The following MYO9B variants were observed in gnomAD, a reference collection of about 807,000 sequenced individuals.
The protein encoded by MYO9B is myosin IXB.
MYO9B carries 71 observed loss-of-function variants against 229.5 expected under a neutral mutation model. The ratio of observed to expected loss-of-function variants is 0.31; its 90% CI spans 0.26 to 0.38. The LOEUF is 0.38. MYO9B is among the 10% of genes least tolerant of loss of function. MYO9B has a pLI of 1.00. For missense variants in MYO9B, 2,255 were observed against 2,920.5 expected, an observed-to-expected ratio of 0.77 and a Z score of 5.25; for synonymous variants, 1,185 against 1,235.8, an observed-to-expected ratio of 0.96 and a Z score of 0.86.
Position 17,200,648 on chromosome 19 carries a change from G to T in MYO9B, c.4382G>T (p.Gly1461Val). 6.2e-7 allele frequency: 1 copy of T among 1,613,058 alleles called. No homozygotes were observed. Among genetic ancestry groups the T allele is most frequent in the Non-Finnish European group, 8.5e-7 (1 of 1,179,444 alleles). The change falls in exon 26 of 40, where the codon GGA becomes GTA. Residue 1461 changes from glycine (G) to valine (V), a missense_variant. This residue lies in a region of MYO9B where 679 missense variants were observed against 770.2 expected (regional missense o/e 0.88). Coordinates refer to ENST00000682292, the MANE Select transcript of MYO9B (RefSeq NM_004145.4). ...TCCTGTCCCCCCTCAGCCCCCTCCG[G>T]ACAGCAGCATCGCCACGCTGCAGGT... ...TMKKGLEAPS[G>V]QQHRHAAGEK...
chr19:17,108,245 C>T (rs1162959919), intron 2 of MYO9B, among the ~76,000 whole-genome samples: 1 of 152,220 alleles, frequency 6.6e-6, no homozygotes, highest in African/African-American at 2.4e-5. Flanking sequence ...CTAAGCCGCT[C>T]GAGGGTGGTG....
At chr19:17,098,016 C>T (rs573978647) in intron 1 of MYO9B, among the ~76,000 whole-genome samples, 1 of 151,302 alleles carries the variant, frequency 6.6e-6, no homozygotes, top group African/African-American at 2.4e-5. Context: ...CTACTCACCT[C>T]GTGAACGAAC....
chr19:17,199,092 A>G (rs1161121831), intron 24 of MYO9B, among the ~76,000 whole-genome samples: 1 of 152,086 alleles, frequency 6.6e-6, no homozygotes, highest in Non-Finnish European at 1.5e-5. Flanking sequence ...AGTCCCAGCT[A>G]CTCAGGAGGC....
chr19:17,088,891 T>G (rs541015594), intron 1 of MYO9B, among the ~76,000 whole-genome samples: 1 of 152,184 alleles, frequency 6.6e-6, no homozygotes, highest in African/African-American at 2.4e-5. Context: ...GGGGTCTTTC[T>G]TTGTTGCCCA....
chr19:17,114,858 T>C (rs1441324068), intron 2 of MYO9B, among the ~76,000 whole-genome samples: 1 of 151,304 alleles, frequency 6.6e-6, no homozygotes, highest in African/African-American at 2.4e-5. Context: ...CGGCCAGAGA[T>C]TCCCCACTTT....
chr19:17,192,314 C>T (rs890916031), intron 20 of MYO9B, among the ~76,000 whole-genome samples: 5 of 148,980 alleles, frequency 3.4e-5, no homozygotes, highest in Non-Finnish European at 7.4e-5. Flanking sequence ...GGGGCCACAG[C>T]CAGGTGCAGT....
intron 21 of MYO9B, 60 bp from the exon 22 acceptor site, chr19:17,194,496 A>C (rs1304955597): frequency 2.0e-5 from 31 of 1,557,638 alleles, no homozygotes; most frequent in Non-Finnish European, 2.6e-5. Context: ...ATCGGAACTC[A>C]GTGGGAGGTG....
intron 11 of MYO9B, among the ~76,000 whole-genome samples, chr19:17,170,808 A>G (rs1038578696): frequency 6.1e-5 from 9 of 147,364 alleles, no homozygotes; most frequent in Non-Finnish European, 1.3e-4. Flanking sequence ...TGGGCAACAG[A>G]GCAAGACCCC....
Position 17,195,335 on chromosome 19 carries a change from C to A in MYO9B, c.3908C>A (p.Ala1303Asp). 1 of 1,612,524 alleles carries A rather than the reference C, an allele frequency of 6.2e-7. No homozygotes were observed. The highest frequency in any genetic ancestry group is 8.5e-7 in the Non-Finnish European group (1 of 1,179,724). The part of the protein sequence containing the change: ...GSTQIQRYLD[A>D]ERLASAVELW... ...ACGCAGATCCAGCGGTACCTGGACGCCGAGCGGCTGGCCAGCGCCGTGGAA... is the reference window on the plus strand; with the variant it reads ...ACGCAGATCCAGCGGTACCTGGACGACGAGCGGCTGGCCAGCGCCGTGGAA... Residue 1303 changes from alanine (A) to aspartate (D), a missense_variant, in exon 22 of 40, where the codon GCC becomes GAC. Ala to Asp is a moderately radical substitution (Grantham distance 126, BLOSUM62 -2). This residue lies in a region of MYO9B where 679 missense variants were observed against 770.2 expected (regional missense o/e 0.88). Transcript: ENST00000682292. This position sits in a 1 kb window ranked among gnomAD's most constrained non-coding sequence, Gnocchi z 4.5.
chr19:17,110,563 C>T (rs1458202093), intron 2 of MYO9B, among the ~76,000 whole-genome samples: 1 of 152,214 alleles, frequency 6.6e-6, no homozygotes, highest in Non-Finnish European at 1.5e-5. Flanking sequence ...GGCTGGGGTT[C>T]CCTTCATCTG....
rs542949890 is a variant in MYO9B, at chr19:17,139,049, C to T, written c.841-6348C>T. Among the ~76,000 whole-genome samples, 13 of 152,190 alleles carry T rather than the reference C, an allele frequency of 8.5e-5. No individual in the cohort carries two copies. In the East Asian group the frequency reaches 2.1e-3, roughly 25 times the overall value. On this transcript the variant is annotated intron_variant, in intron 2 of 39. Coordinates refer to ENST00000682292, the MANE Select transcript of MYO9B (RefSeq NM_004145.4). Reference sequence around the variant, plus strand: ...AAAATTAGTCGGGCATGGTGGCTCGCGCCTGTAGTCCCAGTTACTCTGGAG... The same window carrying T: ...AAAATTAGTCGGGCATGGTGGCTCGTGCCTGTAGTCCCAGTTACTCTGGAG...
intron 1 of MYO9B, among the ~76,000 whole-genome samples, chr19:17,091,701 C>T (rs996292386): frequency 4.6e-5 from 7 of 152,094 alleles, no homozygotes; most frequent in African/African-American, 1.2e-4. Flanking sequence ...AGCTTGTGGT[C>T]CCAGCTAGTT....
chr19:17,161,862 G>A (rs186519321), intron 8 of MYO9B, among the ~76,000 whole-genome samples: 17 of 151,606 alleles, frequency 1.1e-4, no homozygotes, highest in Admixed American at 7.9e-4. Context: ...GGTGTTGTGC[G>A]CCATAGCCCC....
At chr19:17,128,145 G>A (rs941779952) in intron 2 of MYO9B, among the ~76,000 whole-genome samples, 1 of 152,000 alleles carries the variant, frequency 6.6e-6, no homozygotes, top group Non-Finnish European at 1.5e-5. Context: ...GGGAGGCCGA[G>A]GCAGGAGAAT....
At chr19:17,168,974 G>C (rs1167682431) in intron 11 of MYO9B, among the ~76,000 whole-genome samples, 1 of 152,104 alleles carries the variant, frequency 6.6e-6, no homozygotes, top group Non-Finnish European at 1.5e-5. Flanking sequence ...CTGAAATCAC[G>C]TGACACATAC....
Position 17,193,263 on chromosome 19 carries a change from A to G in MYO9B, c.3128+201A>G, listed in dbSNP as rs2073006070. On this transcript the variant is annotated intron_variant, in intron 21 of 39. Transcript: ENST00000682292. The surrounding 1 kb of genome is among the most constrained non-coding windows in gnomAD (Gnocchi z 4.3). The stretch of plus-strand genomic sequence containing the variant: ...GCTCCAAGGCTGGCAGGCAGCACTC[A>G]GGGACAAAGCCCTGCTTTGCCATTG... 6.6e-6 allele frequency among the ~76,000 whole-genome samples: 1 copy of G among 152,214 alleles called. No homozygotes were observed. The highest frequency in any genetic ancestry group is 1.5e-5 in the Non-Finnish European group (1 of 68,028).
In MYO9B at chr19:17,201,926, A is replaced by C. The variant is rs200323147; in HGVS notation, c.4564A>C (p.Ile1522Leu). ...AGGGTCAGTTCCTCTCCCCTTCCAG[A>C]TAAATGACCTCCGTTCCCAGAAGAC... Reference protein sequence around the residue: ...KYLDEFLLNKINDLRSQKTPI... With the variant: ...KYLDEFLLNKLNDLRSQKTPI... The change falls in exon 27 of 40, where the codon ATA (isoleucine) becomes CTA (leucine). Residue 1522 changes from isoleucine to leucine, a missense_variant and splice_region_variant. Coordinates refer to ENST00000682292, the MANE Select transcript of MYO9B (RefSeq NM_004145.4). 2 of 1,611,520 alleles carry C rather than the reference A, an allele frequency of 1.2e-6. No individual in the cohort carries two copies. Among genetic ancestry groups the C allele is most frequent in the East Asian group, 2.2e-5 (1 of 44,840 alleles).
chr19:17,077,037 T>C (rs1004207014), intron 1 of MYO9B, among the ~76,000 whole-genome samples: 1 of 152,094 alleles, frequency 6.6e-6, no homozygotes, highest in Non-Finnish European at 1.5e-5. Context: ...GGGGACACTT[T>C]CCAGCCAGAG....
At position 17,172,614 on chromosome 19, in the gene MYO9B, C is replaced by A; in HGVS notation, c.1935+137C>A. The A allele has an allele frequency of 6.9e-7, 1 of 1,451,816 alleles. No individual in the cohort carries two copies. The highest frequency in any genetic ancestry group is 9.4e-7 in the Non-Finnish European group (1 of 1,064,544). The allele number at this position is 1,451,816 out of a possible 1,614,324, so 89.9% of individuals were successfully genotyped here. A position where few individuals can be genotyped will look rare whatever the true frequency, so the allele number is the denominator to read the frequency against. On this transcript the variant is annotated intron_variant, in intron 12 of 39. Transcript: ENST00000682292. The surrounding 1 kb of genome is among the most constrained non-coding windows in gnomAD (Gnocchi z 8.2). The stretch of plus-strand genomic sequence containing the variant: ...ACCGCGAATCCCCGGCTCCAATGTC[C>A]AAGGCGCCATAGTTCAAGAACTGCC...
Sources: gnomAD v4.1 joint callset for allele counts (sites outside exome capture counted in the v4.1 genomes callset) on GRCh38, gnomAD v4.1.1 for gene constraint, gnomAD v4.1.1 regional missense constraint, Gnocchi (gnomAD v3.1) non-coding constraint, MANE v1.5 for transcripts, NCBI Gene and HGNC (gene_info 2026-07-23, HGNC 2026-07-21) for gene names.